The following SHISAL2A variants were observed in gnomAD, a reference collection of about 807,000 sequenced individuals.
SHISAL2A encodes protein shisa-like-2A.
A neutral mutation model predicts 11.5 loss-of-function variants in SHISAL2A; 18 were observed. The observed-to-expected ratio is 1.57, with a 90% CI of 1.08 to 2.33. SHISAL2A has a LOEUF of 2.33. Among genes scored for constraint, SHISAL2A ranks in the 30% most tolerant of loss-of-function variants. The pLI is 0.00. For missense variants in SHISAL2A, 261 were observed against 250.9 expected (o/e 1.04, Z -0.27); for synonymous variants, 94 against 99.6 (o/e 0.94, Z 0.34).
At chr1:52,643,678 C>G (rs1571684804) in intron 2 of SHISAL2A, among the ~76,000 whole-genome samples, 1 of 152,100 alleles carries the variant, frequency 6.6e-6, no homozygotes, top group Non-Finnish European at 1.5e-5. Context: ...CATGGTGAAA[C>G]CCTGTCTCTA....
chr1:52,663,486 C>T (rs572494041), intron 4 of SHISAL2A, among the ~76,000 whole-genome samples: 1 of 152,302 alleles, frequency 6.6e-6, no homozygotes, highest in Non-Finnish European at 1.5e-5. Context: ...TGTGGCCGGG[C>T]GCGGTGGCTC....
At chr1:52,646,808 T>C (rs1448947310) in intron 2 of SHISAL2A, among the ~76,000 whole-genome samples, 1 of 152,082 alleles carries the variant, frequency 6.6e-6, no homozygotes, top group Non-Finnish European at 1.5e-5. Context: ...AATGGGTGAT[T>C]TCACTGTTTT....
rs536193998 is a variant in SHISAL2A, at chr1:52,643,780, G to A, written c.322+778G>A. On this transcript the variant is annotated intron_variant, in intron 2 of 2. Transcript: ENST00000517870. ...AGGCAGGAGAATCGCTTGAACCTGGGAGATGGAGGTTGCAGTGAGCCGAGA... is the reference window on the plus strand; with the variant it reads ...AGGCAGGAGAATCGCTTGAACCTGGAAGATGGAGGTTGCAGTGAGCCGAGA... Among the ~76,000 whole-genome samples, 7 of 152,232 alleles carry A rather than the reference G, an allele frequency of 4.6e-5. No individual in the cohort carries two copies. In the East Asian group the frequency reaches 1.3e-3, roughly 29 times the overall value.
rs537897417 is a variant in SHISAL2A at position 52,642,755 on chromosome 1, C to T, written c.183-108C>T. On this transcript the variant is annotated intron_variant, in intron 1 of 2. Transcript: ENST00000517870. ...TTTTTTTAAATATTTTTATTCTGTA[C>T]ATTTTCTTCCCAGCAGGCTCATTCT... The T allele has an allele frequency of 9.5e-5, 110 of 1,158,156 alleles. No individual in the cohort carries two copies. In the South Asian group the frequency reaches 1.5e-3, roughly 16 times the overall value. The allele number at this position is 1,158,156 out of a possible 1,614,324, so 71.7% of individuals were successfully genotyped here. A position where few individuals can be genotyped will look rare whatever the true frequency, so the allele number is the denominator to read the frequency against.
intron 4 of SHISAL2A, among the ~76,000 whole-genome samples, chr1:52,662,353 T>G (rs1691923293): frequency 6.6e-6 from 1 of 151,776 alleles, no homozygotes; most frequent in Admixed American, 6.6e-5. Context: ...TATTTATTTA[T>G]TTATTTATTG....
At chr1:52,641,682 T>G (rs1403956541) in intron 1 of SHISAL2A, among the ~76,000 whole-genome samples, 1 of 152,126 alleles carries the variant, frequency 6.6e-6, no homozygotes, top group African/African-American at 2.4e-5. Flanking sequence ...TGGCTCATGC[T>G]TGTAATCCCA....
At chr1:52,650,379 T>C (rs1257565956) in intron 2 of SHISAL2A, among the ~76,000 whole-genome samples, 1 of 152,180 alleles carries the variant, frequency 6.6e-6, no homozygotes, top group East Asian at 1.9e-4. Context: ...GAAAACCTAG[T>C]TCTAATCTTG....
chr1:52,663,944 A>G (rs928202453), intron 4 of SHISAL2A, among the ~76,000 whole-genome samples: 2 of 152,102 alleles, frequency 1.3e-5, no homozygotes, highest in Non-Finnish European at 2.9e-5. Context: ...GAATGTACCA[A>G]CCCTGATTAT....
At chr1:52,634,128 GACCT>G (rs1691191834) in intron 1 of SHISAL2A, among the ~76,000 whole-genome samples, 1 of 151,920 alleles carries the variant, frequency 6.6e-6, no homozygotes, top group African/African-American at 2.4e-5. Flanking sequence ...ACTGACCCCA[GACCT>G]TATTCTATCA....
At position 52,633,243 on chromosome 1, in the gene SHISAL2A, C is replaced by CACTCCCGCCGCCG; in HGVS notation, c.-250_-238dup. ...GCTCCTGCCGCGTTCCAGCAGCCGT[C>CACTCCCGCCGCCG]ACTCCCGCCGCCGGCCCCCGCCGCC... On this transcript the variant is annotated 5_prime_UTR_variant, in exon 1 of 3. Coordinates refer to ENST00000517870, the MANE Select transcript of SHISAL2A (RefSeq NM_001042693.3). The surrounding 1 kb of genome is among the most constrained non-coding windows in gnomAD (Gnocchi z 6.4). The CACTCCCGCCGCCG allele has an allele frequency of 3.1e-6, 1 of 318,898 alleles. No individual in the cohort carries two copies. The highest frequency in any genetic ancestry group is 5.7e-6 in the Non-Finnish European group (1 of 176,260). The allele number at this position is 318,898 out of a possible 1,614,324, so 19.8% of individuals were successfully genotyped here. A position where few individuals can be genotyped will look rare whatever the true frequency, so the allele number is the denominator to read the frequency against.
At chr1:52,660,806 A>G (rs1033067057), downstream of SHISAL2A, among the ~76,000 whole-genome samples, 1 of 152,182 alleles carries the variant, frequency 6.6e-6, no homozygotes. Flanking sequence ...TTGATTGACA[A>G]TGATTTTCTG....
chr1:52,645,846 A>G (rs1013079481), intron 2 of SHISAL2A, among the ~76,000 whole-genome samples: 3 of 152,394 alleles, frequency 2.0e-5, no homozygotes, highest in African/African-American at 7.2e-5. Flanking sequence ...ATAAAAATAA[A>G]TAAAAATGTT....
At chr1:52,650,781 G>A (rs11205989) in intron 2 of SHISAL2A, among the ~76,000 whole-genome samples, 76,675 of 150,280 alleles carry the variant, frequency 0.51, 19,754 homozygotes, top group East Asian at 0.68. Flanking sequence ...TGTAGCTGAG[G>A]CTACAGGCAC....
chr1:52,656,697 A>G (rs1571699253), intron 2 of SHISAL2A, 93 bp from the exon 3 acceptor site: 1 of 1,394,864 alleles, frequency 7.2e-7, no homozygotes, highest in South Asian at 1.4e-5. Flanking sequence ...ACCACAGTGC[A>G]CTGCCCAAGG....
chr1:52,639,732 G>A (rs936590918), intron 1 of SHISAL2A, among the ~76,000 whole-genome samples: 6 of 152,058 alleles, frequency 3.9e-5, no homozygotes, highest in Non-Finnish European at 7.4e-5. Flanking sequence ...CAGCCGGGGC[G>A]ACAGAGTGAG....
intron 2 of SHISAL2A, among the ~76,000 whole-genome samples, chr1:52,648,796 A>T (rs1691561729): frequency 6.6e-6 from 1 of 151,916 alleles, no homozygotes; most frequent in South Asian, 2.1e-4. Flanking sequence ...GGACTGTGGG[A>T]TGTTCTGGCT....
chr1:52,648,134 C>T (rs1329956583), intron 2 of SHISAL2A, among the ~76,000 whole-genome samples: 3 of 147,558 alleles, frequency 2.0e-5, no homozygotes, highest in Non-Finnish European at 4.5e-5. Flanking sequence ...TTCATTATTA[C>T]ATAATTAATT....
intron 2 of SHISAL2A, among the ~76,000 whole-genome samples, chr1:52,645,837 T>C (rs1558088497): frequency 1.3e-5 from 2 of 152,104 alleles, no homozygotes; most frequent in African/African-American, 2.4e-5. Context: ...AACCTATACA[T>C]AAAAATAAAT....
chr1:52,650,643 C>CTTTTTTTTTTTT (rs35001247), intron 2 of SHISAL2A, among the ~76,000 whole-genome samples: 1 of 108,118 alleles, frequency 9.2e-6, no homozygotes, highest in Non-Finnish European at 1.8e-5. Context: ...TTTTAAAACC[C>CTTTTTTTTTTTT]TTTTTTTTTT....
Sources: allele counts gnomAD v4.1 joint callset (sites outside exome capture counted in the v4.1 genomes callset), GRCh38; gene constraint gnomAD v4.1.1; non-coding constraint Gnocchi (gnomAD v3.1); transcripts MANE v1.5; gene names NCBI Gene and HGNC (gene_info 2026-07-23, HGNC 2026-07-21).